The following ANKFN1 variants were observed in gnomAD, a reference collection of about 807,000 sequenced individuals.
ANKFN1 encodes ankyrin repeat and fibronectin type III domain containing 1, also known as ankyrin repeat and fibronectin type-III domain-containing protein 1.
Under a neutral mutation model 108.7 loss-of-function variants are expected in ANKFN1, and 74 were observed. The observed-to-expected ratio is 0.68, with a 90% CI of 0.56 to 0.83. ANKFN1 has a LOEUF of 0.83. Among genes scored for constraint, ANKFN1 ranks in the 40% least tolerant of loss-of-function variants. ANKFN1 has a pLI of 0.00. For missense variants in ANKFN1, 1,505 were observed against 1,382.3 expected (o/e 1.09, Z -1.41); for synonymous variants, 547 against 516.2 (o/e 1.06, Z -0.81).
At chr17:56,162,436 C>A (rs1035927332) in intron 1 of ANKFN1, among the ~76,000 whole-genome samples, 4 of 152,122 alleles carry the variant, frequency 2.6e-5, no homozygotes, top group African/African-American at 9.7e-5. Context: ...TTATAGATGG[C>A]CATCCTGTCG....
intron 4 of ANKFN1, among the ~76,000 whole-genome samples, chr17:56,066,689 G>A (rs2143125172): frequency 6.6e-6 from 1 of 152,160 alleles, no homozygotes; most frequent in South Asian, 2.1e-4. Flanking sequence ...CCAATCTCCA[G>A]AACTGTTTTC....
intron 1 of ANKFN1, among the ~76,000 whole-genome samples, chr17:56,185,172 A>G (rs1912070748): frequency 6.6e-6 from 1 of 152,106 alleles, no homozygotes; most frequent in Non-Finnish European, 1.5e-5. Context: ...AGGGTGTTAT[A>G]TGGTACATAT....
intron 6 of ANKFN1, among the ~76,000 whole-genome samples, chr17:56,357,357 A>C (rs1005401960): frequency 6.6e-6 from 1 of 152,228 alleles, no homozygotes; most frequent in African/African-American, 2.4e-5. Flanking sequence ...TGAGAAGTTA[A>C]CTGACTGGCC....
At position 56,498,969 on chromosome 17, in the gene ANKFN1, A is replaced by T; in HGVS notation, c.2515A>T (p.Ile839Phe). ...CAAACAACCAGTTTCTGGCTTGCCC[A>T]TCACTAAGCTGATAGACCCCTCAGA... ...RYKQPVSGLP[I>F]TKLIDPSDEQ... Residue 839 changes from isoleucine (I) to phenylalanine (F), a missense_variant, in exon 20 of 21, where the codon ATC becomes TTC. By Grantham distance (21) the Ile-to-Phe change is conservative. Transcript: ENST00000682825. The T allele has an allele frequency of 6.5e-7, 1 of 1,535,804 alleles. No individual in the cohort carries two copies. Among genetic ancestry groups the T allele is most frequent in the Non-Finnish European group, 8.7e-7 (1 of 1,146,646 alleles).
intron 18 of ANKFN1, among the ~76,000 whole-genome samples, chr17:56,491,983 T>A (rs978190749): frequency 2.0e-5 from 3 of 152,106 alleles, no homozygotes; most frequent in African/African-American, 7.2e-5. Flanking sequence ...TAGGAGTTGG[T>A]AAACCTTAAA....
chr17:56,203,148 T>C lies in ANKFN1; in HGVS notation c.-70-9450T>C, dbSNP rs565584945. 2.0e-5 allele frequency among the ~76,000 whole-genome samples: 3 copies of C among 152,346 alleles called. No individual in the cohort carries two copies. The South Asian group carries it at 6.2e-4, about 32-fold the overall frequency. ...ATACTCTCTCTCTTAATTCATACCA[T>C]GATATAGGTAATCTACTGTAAGTTT... On this transcript the variant is annotated intron_variant, in intron 1 of 20. Transcript: ENST00000682825.
intron 8 of ANKFN1, among the ~76,000 whole-genome samples, chr17:56,399,843 T>TTTTATATA (rs1371574477): frequency 3.1e-5 from 2 of 64,762 alleles, no homozygotes; most frequent in Non-Finnish European, 5.0e-5. Context: ...ATTCCATTTT[T>TTTTATATA]TATATATATA....
intron 1 of ANKFN1, among the ~76,000 whole-genome samples, chr17:56,189,239 C>A (rs992137060): frequency 2.4e-5 from 3 of 124,510 alleles, no homozygotes; most frequent in African/African-American, 9.6e-5. Flanking sequence ...GGCGGGATCT[C>A]GGCTCACTGC....
intron 4 of ANKFN1, among the ~76,000 whole-genome samples, chr17:56,082,078 G>A (rs747284527): frequency 2.4e-4 from 36 of 152,208 alleles, no homozygotes; most frequent in Admixed American, 9.8e-4. Flanking sequence ...CTTGATGGGC[G>A]CCTGACTTTC....
chr17:56,147,490 G>T (rs1908334747), intron 4 of ANKFN1, among the ~76,000 whole-genome samples: 1 of 152,196 alleles, frequency 6.6e-6, no homozygotes, highest in Non-Finnish European at 1.5e-5. Flanking sequence ...CAAAGGAGAA[G>T]CAGGCACCTT....
Position 56,372,734 on chromosome 17 carries a change from G to T in ANKFN1, c.690G>T (p.Glu230Asp). 1 of 1,614,020 alleles carries T rather than the reference G, an allele frequency of 6.2e-7. No homozygotes were observed. The highest frequency in any genetic ancestry group is 8.5e-7 in the Non-Finnish European group (1 of 1,179,978). Reference sequence around the variant, plus strand: ...TGAGTGAACTGTCTGCCCAGGTGGAGAATGAAGGATTCACTCTGGACAACA... The same window carrying T: ...TGAGTGAACTGTCTGCCCAGGTGGATAATGAAGGATTCACTCTGGACAACA... ...ERVSELSAQV[E>D]NEGFTLDNTE... Residue 230 changes from glutamate to aspartate, a missense_variant, in exon 7 of 21, where the codon GAG becomes GAT. Glu to Asp is a conservative substitution (Grantham distance 45). Coordinates refer to ENST00000682825, the MANE Select transcript of ANKFN1 (RefSeq NM_001370326.1).
intron 6 of ANKFN1, among the ~76,000 whole-genome samples, chr17:56,365,478 CA>C (rs1296021784): frequency 6.6e-6 from 1 of 152,168 alleles, no homozygotes; most frequent in African/African-American, 2.4e-5. Flanking sequence ...AGTGTTGTTA[CA>C]ATGCCAGTTT....
intron 4 of ANKFN1, among the ~76,000 whole-genome samples, chr17:56,085,348 C>A (rs796097782): frequency 6.6e-6 from 1 of 150,570 alleles, no homozygotes; most frequent in African/African-American, 2.4e-5. Context: ...GTCAGAGACA[C>A]GCAGAGGAGA....
intron 4 of ANKFN1, among the ~76,000 whole-genome samples, chr17:56,078,389 G>T (rs1019120912): frequency 1.3e-5 from 2 of 152,078 alleles, no homozygotes; most frequent in Non-Finnish European, 1.5e-5. Flanking sequence ...CATGACTATG[G>T]ACCATTCCTA....
At chr17:56,158,769 C>T (rs1405810468) in intron 1 of ANKFN1, among the ~76,000 whole-genome samples, 2 of 151,970 alleles carry the variant, frequency 1.3e-5, no homozygotes, top group African/African-American at 4.8e-5. Context: ...CATGTATTTT[C>T]CCCCCTAAAA....
chr17:56,166,157 CCA>C (rs1344958366), intron 1 of ANKFN1, among the ~76,000 whole-genome samples: 1 of 152,108 alleles, frequency 6.6e-6, no homozygotes, highest in East Asian at 1.9e-4. Flanking sequence ...TGTTCTAGTT[CCA>C]GTTATGCTAC....
chr17:56,128,481 A>G (rs961132946), intron 4 of ANKFN1, among the ~76,000 whole-genome samples: 1 of 152,202 alleles, frequency 6.6e-6, no homozygotes, highest in Non-Finnish European at 1.5e-5. Flanking sequence ...TTCGTTGAGT[A>G]TAGGAGTATA....
At chr17:56,147,030 C>A (rs1908303639) in intron 4 of ANKFN1, among the ~76,000 whole-genome samples, 1 of 152,178 alleles carries the variant, frequency 6.6e-6, no homozygotes, top group African/African-American at 2.4e-5. Context: ...TTCCACAGAT[C>A]TCTAGGGCAA....
Position 56,201,864 on chromosome 17 carries a change from C to T in ANKFN1, c.-70-10734C>T, listed in dbSNP as rs539199183. Among the ~76,000 whole-genome samples, 5 of 152,226 alleles carry T rather than the reference C, an allele frequency of 3.3e-5. No individual in the cohort carries two copies. In the South Asian group the frequency reaches 6.2e-4, roughly 19 times the overall value. On this transcript the variant is annotated intron_variant, in intron 1 of 20. Coordinates refer to ENST00000682825, the MANE Select transcript of ANKFN1 (RefSeq NM_001370326.1). ...CTAAATAGGAGACCATAAGGCAACT[C>T]GCAAATTAGCAATAGCAGAAAACTA...
Sources: allele counts gnomAD v4.1 joint callset (sites outside exome capture counted in the v4.1 genomes callset), GRCh38; gene constraint gnomAD v4.1.1; transcripts MANE v1.5; gene names NCBI Gene and HGNC (gene_info 2026-07-23, HGNC 2026-07-21).